The following GRIK1 variants were observed in gnomAD, a reference collection of about 807,000 sequenced individuals.
The protein encoded by GRIK1 is glutamate receptor ionotropic, kainate 1.
A neutral mutation model predicts 105.7 loss-of-function variants in GRIK1; 69 were observed. The observed-to-expected ratio is 0.65, with a 90% CI of 0.54 to 0.80. The LOEUF (loss-of-function observed/expected upper bound fraction) is 0.80, where lower values mean the gene tolerates loss of function less well. GRIK1 is among the 30% of genes least tolerant of loss of function. The pLI, the probability that GRIK1 is intolerant of heterozygous loss-of-function variation, is 0.00. For synonymous variants in GRIK1, 438 were observed against 431.3 expected (o/e 1.02, Z -0.19); for missense variants, 1,109 against 1,167.3 (o/e 0.95, Z 0.73).
At chr21:29,745,880 G>A (rs2065036195) in intron 1 of GRIK1, among the ~76,000 whole-genome samples, 1 of 152,166 alleles carries the variant, frequency 6.6e-6, no homozygotes, top group Non-Finnish European at 1.5e-5. Flanking sequence ...AAGGCGGGGG[G>A]ATCACGAGGT....
At chr21:29,875,925 A>T (rs1053651794) in intron 1 of GRIK1, among the ~76,000 whole-genome samples, 9 of 152,048 alleles carry the variant, frequency 5.9e-5, no homozygotes, top group African/African-American at 2.2e-4. Context: ...TATCTGTCTG[A>T]TCTCTCAGCC....
At chr21:29,648,432 C>A (rs1053204222) in intron 6 of GRIK1, among the ~76,000 whole-genome samples, 1 of 152,148 alleles carries the variant, frequency 6.6e-6, no homozygotes, top group Admixed American at 6.5e-5. Context: ...GAACTCTCTG[C>A]ACTTTTATGG....
chr21:29,815,015 A>G (rs961346072), intron 1 of GRIK1, among the ~76,000 whole-genome samples: 3 of 152,276 alleles, frequency 2.0e-5, no homozygotes, highest in Non-Finnish European at 2.9e-5. Flanking sequence ...TGTTTTGAGT[A>G]TTAAATGAGT....
At chr21:29,625,330 G>A (rs2062101038) in intron 7 of GRIK1, among the ~76,000 whole-genome samples, 2 of 152,148 alleles carry the variant, frequency 1.3e-5, no homozygotes, top group Non-Finnish European at 2.9e-5. Flanking sequence ...GGTTTTGTCA[G>A]GTGATTTGGT....
chr21:29,902,068 C>G (rs948155716), intron 1 of GRIK1, among the ~76,000 whole-genome samples: 2 of 152,176 alleles, frequency 1.3e-5, no homozygotes, highest in African/African-American at 4.8e-5. Context: ...TCAATAGATG[C>G]AGAAAAAGCC....
At chr21:29,544,649 C>T (rs1003926528) in intron 16 of GRIK1, among the ~76,000 whole-genome samples, 7 of 152,218 alleles carry the variant, frequency 4.6e-5, no homozygotes, top group East Asian at 3.9e-4. Flanking sequence ...CTGTAGAAGA[C>T]GCTGCAGTCT....
At chr21:29,765,905 G>C (rs956102419) in intron 1 of GRIK1, among the ~76,000 whole-genome samples, 6 of 151,474 alleles carry the variant, frequency 4.0e-5, no homozygotes, top group African/African-American at 1.5e-4. Flanking sequence ...AGGCTGGAGT[G>C]CAGTGGCGCG....
intron 1 of GRIK1, among the ~76,000 whole-genome samples, chr21:29,700,628 T>C (rs1568990732): frequency 6.6e-6 from 1 of 152,070 alleles, no homozygotes; most frequent in African/African-American, 2.4e-5. Flanking sequence ...CAAGGATACT[T>C]CCTAACCTGC....
intron 9 of GRIK1, among the ~76,000 whole-genome samples, chr21:29,593,876 G>T (rs2061365566): frequency 6.6e-6 from 1 of 152,140 alleles, no homozygotes; most frequent in Non-Finnish European, 1.5e-5. Context: ...CTTGATGTCT[G>T]GTTTTTCTTT....
intron 1 of GRIK1, among the ~76,000 whole-genome samples, chr21:29,762,537 C>A (rs1322826038): frequency 6.6e-6 from 1 of 152,144 alleles, no homozygotes; most frequent in Non-Finnish European, 1.5e-5. Flanking sequence ...CACTAGAATT[C>A]CAACTATAAT....
chr21:29,585,082 A>G (rs114814653), intron 12 of GRIK1, among the ~76,000 whole-genome samples: 282 of 152,232 alleles, frequency 1.9e-3, no homozygotes, highest in African/African-American at 6.5e-3. Flanking sequence ...TAACACCTCC[A>G]CGTGTGAACC....
At chr21:29,871,073 A>G (rs1020400023) in intron 1 of GRIK1, among the ~76,000 whole-genome samples, 2 of 152,108 alleles carry the variant, frequency 1.3e-5, no homozygotes, top group Admixed American at 1.3e-4. Context: ...GCTGGGCAGG[A>G]TTGCTGCTTT....
At chr21:29,809,490 G>A (rs1297921546) in intron 1 of GRIK1, among the ~76,000 whole-genome samples, 1 of 152,186 alleles carries the variant, frequency 6.6e-6, no homozygotes, top group South Asian at 2.1e-4. Flanking sequence ...GTTTTGCCTC[G>A]TTATTGATGA....
intron 1 of GRIK1, among the ~76,000 whole-genome samples, chr21:29,902,197 A>G (rs192265316): frequency 2.6e-5 from 4 of 152,328 alleles, no homozygotes; most frequent in African/African-American, 9.6e-5. Flanking sequence ...GTCATACTGA[A>G]TGGGCAAAAC....
At chr21:29,655,953 G>A (rs964807673) in intron 4 of GRIK1, among the ~76,000 whole-genome samples, 4 of 152,108 alleles carry the variant, frequency 2.6e-5, no homozygotes, top group African/African-American at 9.7e-5. Context: ...AGATGCAAAT[G>A]GTTTGGAGAC....
At chr21:29,710,375 C>T (rs1227136404) in intron 1 of GRIK1, among the ~76,000 whole-genome samples, 1 of 150,810 alleles carries the variant, frequency 6.6e-6, no homozygotes, top group East Asian at 1.9e-4. Context: ...ATTAGGTTAT[C>T]TAAGCTTAAT....
At chr21:29,853,708 C>A (rs1372789124) in intron 1 of GRIK1, among the ~76,000 whole-genome samples, 1 of 152,122 alleles carries the variant, frequency 6.6e-6, no homozygotes, top group Non-Finnish European at 1.5e-5. Context: ...GGAGCATTCA[C>A]CAAATCAACG....
chr21:29,680,333 A>T (rs1568967639), intron 3 of GRIK1, among the ~76,000 whole-genome samples: 1 of 152,248 alleles, frequency 6.6e-6, no homozygotes, highest in South Asian at 2.1e-4. Context: ...TGGGGAACAC[A>T]TTCAAATATC....
intron 1 of GRIK1, among the ~76,000 whole-genome samples, chr21:29,908,297 A>G (rs1223656556): frequency 1.3e-5 from 2 of 152,146 alleles, no homozygotes; most frequent in East Asian, 1.9e-4. Flanking sequence ...TTTCCTAGAT[A>G]TCAACCACTT....
Sources: gnomAD v4.1 joint callset for allele counts (sites outside exome capture counted in the v4.1 genomes callset) on GRCh38, gnomAD v4.1.1 for gene constraint, MANE v1.5 for transcripts, NCBI Gene and HGNC (gene_info 2026-07-23, HGNC 2026-07-21) for gene names.